Variants in QTMAN observed in about 807,000 individuals in gnomAD.
QTMAN encodes tRNA-queuosine alpha-mannosyltransferase.
At chr2:144,112,581 C>T in the QTMAN span, among the ~76,000 whole-genome samples, 1 of 152,188 alleles carries the variant, frequency 6.6e-6, no homozygotes, top group Non-Finnish European at 1.5e-5. Context: ...TAGTTATTAT[C>T]TAAACACTTC....
chr2:144,014,653 C>G, the QTMAN span, among the ~76,000 whole-genome samples: 3 of 152,198 alleles, frequency 2.0e-5, no homozygotes, highest in Admixed American at 2.0e-4. Context: ...GCAAAGACAG[C>G]ATCTTCCATT....
chr2:144,284,597 T>C, the QTMAN span, among the ~76,000 whole-genome samples: 2 of 152,134 alleles, frequency 1.3e-5, no homozygotes, highest in African/African-American at 4.8e-5. Flanking sequence ...CTACAATTAT[T>C]ATAGAAAAAT....
the QTMAN span, among the ~76,000 whole-genome samples, chr2:144,236,427 T>C: frequency 6.6e-6 from 1 of 152,274 alleles, no homozygotes; most frequent in Middle Eastern, 3.4e-3. Context: ...GTGCCTATCA[T>C]GACTTTTCCT....
the QTMAN span, among the ~76,000 whole-genome samples, chr2:144,157,297 C>T: frequency 6.6e-6 from 1 of 151,922 alleles, no homozygotes; most frequent in Non-Finnish European, 1.5e-5. Flanking sequence ...TTTTCTATTG[C>T]CTACATTTGA....
the QTMAN span, among the ~76,000 whole-genome samples, chr2:144,003,418 G>C: frequency 6.7e-6 from 1 of 148,948 alleles, no homozygotes; most frequent in South Asian, 2.1e-4. Context: ...AAAGAAAATA[G>C]TTAAAAAAAA....
At chr2:144,120,911 G>A in the QTMAN span, among the ~76,000 whole-genome samples, 1 of 152,092 alleles carries the variant, frequency 6.6e-6, no homozygotes, top group Non-Finnish European at 1.5e-5. Context: ...TACATTTTCT[G>A]ATACTACCTT....
chr2:144,137,751 GAGAC>G, the QTMAN span, among the ~76,000 whole-genome samples: 4 of 152,016 alleles, frequency 2.6e-5, no homozygotes, highest in Admixed American at 1.3e-4. Context: ...ATGCGCGTCA[GAGAC>G]AGACAGAGAG....
At chr2:144,038,717 C>T in the QTMAN span, among the ~76,000 whole-genome samples, 1 of 152,098 alleles carries the variant, frequency 6.6e-6, no homozygotes, top group African/African-American at 2.4e-5. Flanking sequence ...TTACCACATA[C>T]ACAGTTGTAT....
chr2:144,191,074 GAACT>G, the QTMAN span, among the ~76,000 whole-genome samples: 1 of 152,152 alleles, frequency 6.6e-6, no homozygotes, highest in African/African-American at 2.4e-5. Flanking sequence ...CTCTGCCAAT[GAACT>G]AACAAATGGT....
the QTMAN span, among the ~76,000 whole-genome samples, chr2:144,047,107 C>T: frequency 2.0e-5 from 3 of 152,042 alleles, no homozygotes; most frequent in Admixed American, 6.6e-5. Flanking sequence ...CCTATCTCTA[C>T]TAAAAATACA....
At chr2:144,082,890 G>T in the QTMAN span, among the ~76,000 whole-genome samples, 1 of 148,360 alleles carries the variant, frequency 6.7e-6, no homozygotes, top group South Asian at 2.1e-4. Flanking sequence ...AAATACACAC[G>T]CACACACACA....
the QTMAN span, among the ~76,000 whole-genome samples, chr2:144,199,198 C>A: frequency 2.0e-5 from 3 of 152,124 alleles, no homozygotes; most frequent in Admixed American, 6.5e-5. Flanking sequence ...CAGGTGCCCA[C>A]CACTACGCCC....
At chr2:144,053,620 T>G in the QTMAN span, among the ~76,000 whole-genome samples, 1 of 152,342 alleles carries the variant, frequency 6.6e-6, no homozygotes, top group East Asian at 1.9e-4. Context: ...GTTTCCATGC[T>G]TATTCTCAGA....
the QTMAN span, among the ~76,000 whole-genome samples, chr2:144,112,829 T>G: frequency 6.6e-6 from 1 of 152,150 alleles, no homozygotes; most frequent in Non-Finnish European, 1.5e-5. Context: ...GTTGAGACTT[T>G]TACCATAGCT....
At chr2:144,007,299 T>C in the QTMAN span, 7 of 1,613,104 alleles carry the variant, frequency 4.3e-6, no homozygotes, top group East Asian at 1.1e-4. Flanking sequence ...GCTTGAATTA[T>C]CTGACGAGGT....
At chr2:144,280,186 G>T in the QTMAN span, among the ~76,000 whole-genome samples, 9 of 152,138 alleles carry the variant, frequency 5.9e-5, no homozygotes, top group Non-Finnish European at 5.9e-5. Flanking sequence ...AAAAGGCCAA[G>T]AAAACCCAAG....
chr2:144,018,141 T>C, the QTMAN span, among the ~76,000 whole-genome samples: 1 of 152,172 alleles, frequency 6.6e-6, no homozygotes, highest in African/African-American at 2.4e-5. Context: ...GATTCTGTCA[T>C]TTTCCTTCTT....
At chr2:143,974,818 GA>G in the QTMAN span, among the ~76,000 whole-genome samples, 3 of 151,736 alleles carry the variant, frequency 2.0e-5, no homozygotes, top group Non-Finnish European at 2.9e-5. Context: ...AAAATTACTA[GA>G]TTTTTTTGCT....
At chr2:144,173,746 T>C in the QTMAN span, among the ~76,000 whole-genome samples, 1 of 149,400 alleles carries the variant, frequency 6.7e-6, no homozygotes, top group Non-Finnish European at 1.5e-5. Context: ...TCCCCAATGT[T>C]GGATGGGGGT....
Sources: gnomAD v4.1 joint callset for allele counts (sites outside exome capture counted in the v4.1 genomes callset) on GRCh38, gnomAD v4.1.1 for gene constraint, MANE v1.5 for transcripts, NCBI Gene and HGNC (gene_info 2026-07-23, HGNC 2026-07-21) for gene names.